Variants in LEO1 observed in about 807,000 individuals in gnomAD.
The protein encoded by LEO1 is RNA polymerase-associated protein LEO1.
A neutral mutation model predicts 80.4 loss-of-function variants in LEO1; 34 were observed. The observed-to-expected ratio is 0.42, with a 90% CI of 0.32 to 0.56. The LOEUF (loss-of-function observed/expected upper bound fraction) is 0.56, where lower values mean the gene tolerates loss of function less well. Among genes scored for constraint, LEO1 ranks in the 20% least tolerant of loss-of-function variants. The pLI, the probability that LEO1 is intolerant of heterozygous loss-of-function variation, is 0.10. For synonymous variants in LEO1, 262 were observed against 274.9 expected, an observed-to-expected ratio of 0.95 and a Z score of 0.46; for missense variants, 631 against 814.2, an observed-to-expected ratio of 0.77 and a Z score of 2.74.
intron 9 of LEO1, 144 bp downstream of exon 9, chr15:51,951,700 T>A: frequency 1.5e-6 from 1 of 672,212 alleles, no homozygotes; most frequent in Non-Finnish European, 2.5e-6. Flanking sequence ...TGGCAAATGC[T>A]GAGGAAATGA....
Position 51,966,131 on chromosome 15 carries a change from T to G in LEO1, c.432A>C (p.Lys144Asn), listed in dbSNP as rs745672000. The G allele has an allele frequency of 1.2e-6, 2 of 1,613,856 alleles. No homozygotes were observed. The highest frequency in any genetic ancestry group is 1.6e-4 in the Middle Eastern group (1 of 6,062). The change falls in exon 2 of 12, where the codon AAA becomes AAC. Residue 144 changes from lysine (K) to asparagine (N), a missense_variant. Physicochemically the swap from Lys to Asn is moderately conservative, Grantham distance 94. Coordinates refer to ENST00000299601, the MANE Select transcript of LEO1 (RefSeq NM_138792.4). ...GSEKAHSDDE[K>N]WGREDKSDQS... ...GGTCACTTTTATCTTCTCTGCCCCATTTTTCATCATCTGAATGTGCTTTTT... is the reference window on the plus strand; with the variant it reads ...GGTCACTTTTATCTTCTCTGCCCCAGTTTTCATCATCTGAATGTGCTTTTT...
chr15:51,959,314 C>A (rs2057012859), intron 5 of LEO1, among the ~76,000 whole-genome samples: 1 of 152,084 alleles, frequency 6.6e-6, no homozygotes, highest in Non-Finnish European at 1.5e-5. Flanking sequence ...AGTAATTTTA[C>A]TTCTTAAAAT....
chr15:51,952,166 G>C lies in LEO1; in HGVS notation c.1476-187C>G, dbSNP rs993901722. ...TTTTCTTCATTCTGTGGCTCACTGA[G>C]ACATTCTTATTCCACAAATGAAAAA... is the stretch of plus-strand genomic sequence containing the variant. On this transcript the variant is annotated intron_variant, in intron 8 of 11. Coordinates refer to ENST00000299601, the MANE Select transcript of LEO1 (RefSeq NM_138792.4). 4 of 478,144 alleles carry C rather than the reference G, an allele frequency of 8.4e-6. No individual in the cohort carries two copies. The South Asian group carries it at 1.6e-4, about 20-fold the overall frequency. 29.6% of individuals were successfully genotyped at this position (478,144 alleles called of 1,614,324 possible). A position where few individuals can be genotyped will look rare whatever the true frequency, so the allele number is the denominator to read the frequency against.
chr15:51,962,364 C>CAT (rs751231247), intron 3 of LEO1, 25 bp downstream of exon 3: 68 of 1,408,098 alleles, frequency 4.8e-5, no homozygotes, highest in East Asian at 3.0e-4. Flanking sequence ...TGGAAATATA[C>CAT]ATATATATAT....
chr15:51,960,165 G>T, intron 4 of LEO1, 121 bp from the exon 5 acceptor site: 1 of 744,286 alleles, frequency 1.3e-6, no homozygotes. Context: ...TAGGACTAAA[G>T]AAGTCCCCAG....
intron 6 of LEO1, among the ~76,000 whole-genome samples, chr15:51,957,030 T>C (rs933725844): frequency 6.6e-6 from 1 of 152,138 alleles, no homozygotes; most frequent in Non-Finnish European, 1.5e-5. Context: ...GGTCTTGCTC[T>C]GTTGCTCAGG....
intron 7 of LEO1, 39 bp from the exon 8 acceptor site, chr15:51,953,302 C>CT (rs1162144593): frequency 1.2e-6 from 2 of 1,605,672 alleles, no homozygotes; most frequent in African/African-American, 2.7e-5. Flanking sequence ...AGTCATAAAG[C>CT]TTTCACTCTA....
intron 2 of LEO1, among the ~76,000 whole-genome samples, chr15:51,964,847 T>C (rs1295788381): frequency 1.3e-5 from 2 of 152,234 alleles, no homozygotes; most frequent in African/African-American, 2.4e-5. Flanking sequence ...CAAAGAAATA[T>C]GATCTCTAAT....
At chr15:51,954,338 T>C in intron 7 of LEO1, 143 bp downstream of exon 7, 1 of 617,404 alleles carries the variant, frequency 1.6e-6, no homozygotes, top group Non-Finnish European at 2.9e-6. Context: ...GCTGTTATCA[T>C]GTCATTACAC....
intron 11 of LEO1, among the ~76,000 whole-genome samples, chr15:51,942,304 G>A (rs116157413): frequency 6.6e-6 from 1 of 152,258 alleles, no homozygotes; most frequent in African/African-American, 2.4e-5. Context: ...GGGTAAGGGA[G>A]GTAGAGGATG....
chr15:51,964,510 T>C (rs1249379324), intron 2 of LEO1, among the ~76,000 whole-genome samples: 2 of 149,788 alleles, frequency 1.3e-5, no homozygotes, highest in Admixed American at 1.3e-4. Context: ...GTAACAAACC[T>C]GCACGTTGTG....
At chr15:51,962,108 A>C (rs981683846) in intron 3 of LEO1, among the ~76,000 whole-genome samples, 2 of 151,854 alleles carry the variant, frequency 1.3e-5, no homozygotes, top group Non-Finnish European at 2.9e-5. Context: ...AGTTGCAATA[A>C]GCTGAGCTTG....
At chr15:51,959,576 G>T (rs2141769100) in intron 5 of LEO1, among the ~76,000 whole-genome samples, 1 of 152,238 alleles carries the variant, frequency 6.6e-6, no homozygotes, top group Middle Eastern at 3.4e-3. Flanking sequence ...TGCTACAGTG[G>T]ACACTGGCAT....
intron 2 of LEO1, among the ~76,000 whole-genome samples, chr15:51,964,669 G>T (rs932044570): frequency 6.6e-6 from 1 of 151,910 alleles, no homozygotes; most frequent in South Asian, 2.1e-4. Flanking sequence ...ATAACACCAA[G>T]ATGTGGTTTC....
chr15:51,943,243 G>A, intron 11 of LEO1, among the ~76,000 whole-genome samples: 1 of 151,678 alleles, frequency 6.6e-6, no homozygotes, highest in East Asian at 1.9e-4. Flanking sequence ...GCCAGGCGTG[G>A]TGGCGGGCAC....
chr15:51,940,914 A>G (rs1017529089), intron 11 of LEO1, among the ~76,000 whole-genome samples: 1 of 152,104 alleles, frequency 6.6e-6, no homozygotes, highest in African/African-American at 2.4e-5. Context: ...CCTGGCCAAC[A>G]TGGTGAAACC....
chr15:51,952,716 G>A (rs867446679), intron 8 of LEO1, among the ~76,000 whole-genome samples: 1 of 152,122 alleles, frequency 6.6e-6, no homozygotes, highest in African/African-American at 2.4e-5. Context: ...GAGATGGCCC[G>A]TCTCACACTG....
chr15:51,963,897 CAAA>C (rs1217618326), intron 2 of LEO1, among the ~76,000 whole-genome samples: 2 of 57,510 alleles, frequency 3.5e-5, no homozygotes, highest in African/African-American at 7.0e-5. Context: ...GACTCTGTCT[CAAA>C]AAAAAAAAAA....
intron 10 of LEO1, 49 bp downstream of exon 10, chr15:51,949,759 A>C: frequency 6.7e-7 from 1 of 1,487,182 alleles, no homozygotes; most frequent in Non-Finnish European, 9.3e-7. Context: ...TGCCAAGATG[A>C]AGTCCAGAAT....
Sources: allele counts gnomAD v4.1 joint callset (sites outside exome capture counted in the v4.1 genomes callset), GRCh38; gene constraint gnomAD v4.1.1; transcripts MANE v1.5; gene names NCBI Gene and HGNC (gene_info 2026-07-23, HGNC 2026-07-21).